The following GPC6 variants were observed in gnomAD, a reference collection of about 807,000 sequenced individuals.
GPC6 encodes glypican 6.
GPC6 carries 14 observed loss-of-function variants against 55.2 expected under a neutral mutation model. The observed-to-expected ratio is 0.25, with a 90% CI of 0.17 to 0.40. GPC6 has a LOEUF of 0.40. Among genes scored for constraint, GPC6 ranks in the 10% least tolerant of loss-of-function variants. The probability of loss-of-function intolerance (pLI) is 1.00; values close to 1 mark genes in which losing one functional copy is unlikely to be tolerated. For missense variants in GPC6, 641 were observed against 708.5 expected (o/e 0.90, Z 1.08); for synonymous variants, 278 against 259.6 (o/e 1.07, Z -0.68).
chr13:93,832,421 G>C (rs1368864703), intron 3 of GPC6, among the ~76,000 whole-genome samples: 1 of 151,994 alleles, frequency 6.6e-6, no homozygotes, highest in Non-Finnish European at 1.5e-5. Flanking sequence ...TTTTGATTTT[G>C]TTGAAGGATA....
chr13:93,667,729 G>A (rs947545024), intron 2 of GPC6, among the ~76,000 whole-genome samples: 15 of 100,254 alleles, frequency 1.5e-4, no homozygotes, highest in African/African-American at 6.0e-4. Flanking sequence ...CACCCAGCCA[G>A]GACTTGTTTT....
At chr13:94,272,450 TTTC>T (rs1892060185) in intron 4 of GPC6, among the ~76,000 whole-genome samples, 2 of 132,128 alleles carry the variant, frequency 1.5e-5, no homozygotes, top group Admixed American at 7.1e-5. Context: ...TTTCTTTTCT[TTTC>T]TTTTCTTTTC....
rs114365079 is a variant in GPC6, at chr13:93,945,368, C to T, written c.712-82361C>T. ...TCAGAGCTTGTGCCTGCAAGGGAGT[C>T]AGCCATCATCACTTGTATTTGGCAG... On this transcript the variant is annotated intron_variant, in intron 3 of 8. Coordinates refer to ENST00000377047, the MANE Select transcript of GPC6 (RefSeq NM_005708.5). Among the ~76,000 whole-genome samples the T allele has an allele frequency of 6.9e-3, 1,044 of 152,236 alleles. 13 individuals are homozygous for T. Among genetic ancestry groups the T allele is most frequent in the African/African-American group, 0.024 (1,000 of 41,532 alleles).
chr13:93,226,942 C>T lies in GPC6; in HGVS notation c.-515C>T, dbSNP rs1345427270. The T allele has an allele frequency of 6.5e-6, 1 of 153,482 alleles. No homozygotes were observed. The allele number at this position is 153,482 out of a possible 1,614,324, so 9.5% of individuals were successfully genotyped here. ...AGATCTCGTATATCCCCAACACATA[C>T]CTCCACGCACACACATCCCCAAGAA... On this transcript the variant is annotated 5_prime_UTR_variant, in exon 1 of 9. Coordinates refer to ENST00000377047, the MANE Select transcript of GPC6 (RefSeq NM_005708.5).
rs990559645 is a variant in GPC6 at position 93,877,827 on chromosome 13, T to C, written c.711+47282T>C. The stretch of plus-strand genomic sequence containing the variant: ...TTTTACTTAGTCTTATGTGATAAAA[T>C]CCTTTTCGTTGATTACATTGGTGGA... On this transcript the variant is annotated intron_variant, in intron 3 of 8. Coordinates refer to ENST00000377047, the MANE Select transcript of GPC6 (RefSeq NM_005708.5). Among the ~76,000 whole-genome samples the C allele has an allele frequency of 4.6e-5, 7 of 152,154 alleles. No homozygotes were observed. In the East Asian group the frequency reaches 1.2e-3, roughly 25 times the overall value.
chr13:94,102,460 G>T (rs1192460732), intron 4 of GPC6, among the ~76,000 whole-genome samples: 5 of 150,694 alleles, frequency 3.3e-5, no homozygotes, highest in African/African-American at 1.2e-4. Context: ...CCTTCCCAAG[G>T]CTTTCTGTGG....
At chr13:93,910,980 A>G (rs1173581255) in intron 3 of GPC6, among the ~76,000 whole-genome samples, 2 of 152,232 alleles carry the variant, frequency 1.3e-5, no homozygotes, top group Non-Finnish European at 2.9e-5. Flanking sequence ...CGAATACTGC[A>G]TGTACTCAGA....
intron 3 of GPC6, among the ~76,000 whole-genome samples, chr13:93,950,808 T>A (rs1446472009): frequency 2.0e-5 from 3 of 152,240 alleles, no homozygotes; most frequent in East Asian, 1.9e-4. Flanking sequence ...TTTTTTTTTT[T>A]ATTGTCAAAG....
rs557623863 is a variant in GPC6 at position 93,640,898 on chromosome 13, C to T, written c.319+95477C>T. ...TTCTTCCCTCTTTATCTTTTTTCTG[C>T]TTTTCCTTCCTTTTTTTCTCTTTCC... On this transcript the variant is annotated intron_variant, in intron 2 of 8. Transcript: ENST00000377047. Among the ~76,000 whole-genome samples, 4 of 146,352 alleles carry T rather than the reference C, an allele frequency of 2.7e-5. 1 individual carries two copies. The highest frequency in any genetic ancestry group is 2.0e-4 in the Admixed American group (3 of 14,706).
At chr13:94,309,057 C>T (rs1459697151) in intron 6 of GPC6, among the ~76,000 whole-genome samples, 1 of 152,204 alleles carries the variant, frequency 6.6e-6, no homozygotes, top group Admixed American at 6.5e-5. Context: ...AAACAAGTCT[C>T]ATATTACCTA....
intron 1 of GPC6, among the ~76,000 whole-genome samples, chr13:93,382,925 T>G (rs1204744643): frequency 2.6e-5 from 4 of 152,190 alleles, no homozygotes; most frequent in Non-Finnish European, 5.9e-5. Context: ...CTTCACTCTC[T>G]TCTGCCCCCA....
chr13:94,115,569 T>C (rs545292108), intron 4 of GPC6, among the ~76,000 whole-genome samples: 1 of 152,232 alleles, frequency 6.6e-6, no homozygotes, highest in Non-Finnish European at 1.5e-5. Context: ...CAGCTAGTCA[T>C]GACCAGAATT....
chr13:93,937,826 G>A (rs942123792), intron 3 of GPC6, among the ~76,000 whole-genome samples: 1 of 152,146 alleles, frequency 6.6e-6, no homozygotes, highest in Admixed American at 6.5e-5. Context: ...TGATCCTTCT[G>A]CCTTGGCCTC....
At chr13:94,147,251 C>T (rs903387441) in intron 4 of GPC6, among the ~76,000 whole-genome samples, 5 of 152,110 alleles carry the variant, frequency 3.3e-5, no homozygotes, top group African/African-American at 1.2e-4. Context: ...CTCAACTCTC[C>T]TTATTTTCTT....
At chr13:94,173,295 C>A (rs538627982) in intron 4 of GPC6, among the ~76,000 whole-genome samples, 50 of 152,260 alleles carry the variant, frequency 3.3e-4, no homozygotes, top group African/African-American at 1.2e-3. Context: ...GGGGTACACA[C>A]AAGCCATGTT....
chr13:93,604,920 C>T (rs889966345), intron 2 of GPC6, among the ~76,000 whole-genome samples: 3 of 152,140 alleles, frequency 2.0e-5, no homozygotes, highest in Non-Finnish European at 4.4e-5. Flanking sequence ...TATTTCAACT[C>T]AGTGAGGTTT....
intron 1 of GPC6, among the ~76,000 whole-genome samples, chr13:93,347,110 G>A (rs1016665742): frequency 8.5e-5 from 13 of 152,058 alleles, no homozygotes; most frequent in African/African-American, 2.7e-4. Context: ...GTAGGGGAGA[G>A]GATTTACAGA....
intron 2 of GPC6, among the ~76,000 whole-genome samples, chr13:93,614,310 C>T (rs976913831): frequency 9.2e-5 from 14 of 152,124 alleles, no homozygotes; most frequent in South Asian, 2.1e-4. Context: ...TATCTGTATA[C>T]ATTTTGATGT....
chr13:94,249,928 G>A (rs753800345), intron 4 of GPC6, among the ~76,000 whole-genome samples: 7 of 152,140 alleles, frequency 4.6e-5, no homozygotes, highest in South Asian at 2.1e-4. Flanking sequence ...TGATAAATTC[G>A]AGATGTCTGC....
Sources: allele counts gnomAD v4.1 joint callset (sites outside exome capture counted in the v4.1 genomes callset), GRCh38; gene constraint gnomAD v4.1.1; transcripts MANE v1.5; gene names NCBI Gene and HGNC (gene_info 2026-07-23, HGNC 2026-07-21).